The following CFAP20DC variants were observed in gnomAD, a reference collection of about 807,000 sequenced individuals.
CFAP20DC encodes CFAP20 domain containing, also known as protein CFAP20DC.
In CFAP20DC, 84 loss-of-function variants were observed where a neutral mutation model predicts 101.7. The ratio of observed to expected loss-of-function variants is 0.83; its 90% CI spans 0.69 to 0.99. CFAP20DC has a LOEUF of 0.99. CFAP20DC is among the 50% of genes least tolerant of loss of function. CFAP20DC has a pLI of 0.00. For synonymous variants in CFAP20DC, 359 were observed against 351.2 expected (o/e 1.02, Z -0.25); for missense variants, 1,007 against 970.3 (o/e 1.04, Z -0.50).
rs911606836 is a variant in CFAP20DC, at chr3:58,732,692, G to T, written c.198-15064C>A. Among the ~76,000 whole-genome samples the T allele has an allele frequency of 1.1e-4, 16 of 152,168 alleles. No individual in the cohort carries two copies. Among genetic ancestry groups the T allele is most frequent in the African/African-American group, 3.4e-4 (14 of 41,426 alleles). On this transcript the variant is annotated intron_variant, in intron 3 of 3. Transcript: ENST00000486145. This position sits in a 1 kb window ranked among gnomAD's most constrained non-coding sequence, Gnocchi z 5.4. ...GGGTTTATAACACCCAACGTGGCAC[G>T]AAAGCCGTGGCAAAAACAGTTACTC... is the stretch of plus-strand genomic sequence containing the variant.
At chr3:58,831,574 T>G in intron 14 of CFAP20DC, 112 bp downstream of exon 14, 1 of 763,214 alleles carries the variant, frequency 1.3e-6, no homozygotes. Context: ...TTATTTCTCA[T>G]AGGGAGAGTT....
intron 4 of CFAP20DC, among the ~76,000 whole-genome samples, chr3:58,949,855 T>A (rs1031017369): frequency 6.6e-4 from 101 of 152,140 alleles, no homozygotes; most frequent in Non-Finnish European, 1.4e-3. Context: ...CTTTGAAAAC[T>A]CGCACAAGAC....
At chr3:58,949,797 A>G (rs2089873342) in intron 4 of CFAP20DC, among the ~76,000 whole-genome samples, 1 of 152,220 alleles carries the variant, frequency 6.6e-6, no homozygotes, top group African/African-American at 2.4e-5. Context: ...ATCTATGACA[A>G]ACCCACAGCC....
At chr3:58,803,340 A>C (rs2073841711) in intron 15 of CFAP20DC, among the ~76,000 whole-genome samples, 2 of 152,172 alleles carry the variant, frequency 1.3e-5, no homozygotes, top group African/African-American at 4.8e-5. Context: ...ATTTTCAATC[A>C]CGGGTTCAAG....
intron 16 of CFAP20DC, among the ~76,000 whole-genome samples, chr3:58,746,868 C>T (rs770911884): frequency 6.6e-6 from 1 of 152,110 alleles, no homozygotes. Flanking sequence ...AAGCCTCCAA[C>T]TTACATCATT....
intron 15 of CFAP20DC, among the ~76,000 whole-genome samples, chr3:58,768,182 C>G (rs1400200800): frequency 1.3e-5 from 2 of 152,138 alleles, no homozygotes; most frequent in Non-Finnish European, 2.9e-5. Flanking sequence ...TGCTGTGCTT[C>G]CCTGGAACTT....
chr3:58,891,022 T>G (rs2082190641), intron 6 of CFAP20DC, among the ~76,000 whole-genome samples: 2 of 143,436 alleles, frequency 1.4e-5, no homozygotes, highest in East Asian at 2.1e-4. Flanking sequence ...CCAGACGGGG[T>G]GGCGGCCGGG....
Position 58,998,661 on chromosome 3 carries a change from GT to G in CFAP20DC, c.278+40895del, listed in dbSNP as rs368091738. Among the ~76,000 whole-genome samples the G allele has an allele frequency of 7.0e-3, 1,061 of 152,288 alleles. 14 individuals are homozygous for G. The highest frequency in any genetic ancestry group is 0.024 in the African/African-American group (995 of 41,540). The stretch of plus-strand genomic sequence containing the variant: ...ACCCTGTGACTCTAGGGTAAGCCAT[GT>G]GATAGACATTAGTCAGTGGAACTGA... On this transcript the variant is annotated intron_variant, in intron 4 of 16. Transcript: ENST00000482387.
chr3:58,765,464 T>C (rs1405904476), intron 15 of CFAP20DC, among the ~76,000 whole-genome samples: 2 of 123,322 alleles, frequency 1.6e-5, no homozygotes, highest in African/African-American at 3.2e-5. Context: ...GGAGAACACA[T>C]TCTAGCCAAA....
At chr3:58,957,600 C>A (rs779718091) in intron 4 of CFAP20DC, among the ~76,000 whole-genome samples, 2 of 152,132 alleles carry the variant, frequency 1.3e-5, no homozygotes, top group African/African-American at 2.4e-5. Flanking sequence ...TGGAAGCAAA[C>A]CAAGTGTCCA....
intron 4 of CFAP20DC, among the ~76,000 whole-genome samples, chr3:58,987,682 T>A (rs1194983441): frequency 1.3e-5 from 2 of 151,950 alleles, no homozygotes; most frequent in Admixed American, 6.6e-5. Flanking sequence ...TATATAGCTA[T>A]CTATAAACTC....
chr3:58,770,909 C>T (rs558416985), intron 15 of CFAP20DC, among the ~76,000 whole-genome samples: 3 of 152,106 alleles, frequency 2.0e-5, no homozygotes, highest in Admixed American at 6.6e-5. Flanking sequence ...GAATTTAGTA[C>T]ATAGGTGTTT....
chr3:58,880,435 T>C (rs1405774646), intron 7 of CFAP20DC, among the ~76,000 whole-genome samples: 2 of 152,204 alleles, frequency 1.3e-5, no homozygotes, highest in African/African-American at 4.8e-5. Flanking sequence ...TGTGTGGTTA[T>C]TGAGTCAATT....
At chr3:58,900,880 T>G (rs2083089196) in intron 6 of CFAP20DC, among the ~76,000 whole-genome samples, 2 of 152,262 alleles carry the variant, frequency 1.3e-5, no homozygotes, top group Admixed American at 1.3e-4. Context: ...AAGAGGATCT[T>G]AACTAGCTGT....
intron 15 of CFAP20DC, among the ~76,000 whole-genome samples, chr3:58,805,732 T>G (rs2074007404): frequency 6.6e-6 from 1 of 152,232 alleles, no homozygotes; most frequent in Non-Finnish European, 1.5e-5. Context: ...TATATACTTA[T>G]TTATCAGAAA....
chr3:59,020,820 C>T (rs1428423445), intron 4 of CFAP20DC, among the ~76,000 whole-genome samples: 1 of 152,060 alleles, frequency 6.6e-6, no homozygotes, highest in Non-Finnish European at 1.5e-5. Flanking sequence ...TTTGTTCTAT[C>T]CACATTCTGG....
At position 59,023,156 on chromosome 3, in the gene CFAP20DC, TG is replaced by T. The variant is rs760215654; in HGVS notation, c.278+16400del. Reference sequence around the variant, plus strand: ...CCTGTTCACCTGCTTTCTACTCTCTTGTTTTTTTTTTTTGTTTGTTTTCCTG... The same window carrying T: ...CCTGTTCACCTGCTTTCTACTCTCTTTTTTTTTTTTTTGTTTGTTTTCCTG... On this transcript the variant is annotated intron_variant, in intron 4 of 16. Coordinates refer to ENST00000482387, the MANE Select transcript of CFAP20DC (RefSeq NM_001394063.1). 2.3e-3 allele frequency among the ~76,000 whole-genome samples: 229 copies of T among 100,230 alleles called. 2 individuals are homozygous for T. Among genetic ancestry groups the T allele is most frequent in the African/African-American group, 5.3e-3 (137 of 25,996 alleles). 65.8% of individuals were successfully genotyped at this position (100,230 alleles called of 152,430 possible).
At chr3:58,908,014 G>A (rs1403250996) in intron 6 of CFAP20DC, among the ~76,000 whole-genome samples, 1 of 151,830 alleles carries the variant, frequency 6.6e-6, no homozygotes, top group Non-Finnish European at 1.5e-5. Flanking sequence ...ACTCCCTTAC[G>A]GATAATCCAT....
At chr3:59,018,170 CAT>C (rs1491555473) in intron 4 of CFAP20DC, 4 of 152,206 alleles carry the variant, frequency 2.6e-5, no homozygotes, top group African/African-American at 9.6e-5. Flanking sequence ...GGAGGAGAAA[CAT>C]GTGGCAAACT....
Sources: allele counts gnomAD v4.1 joint callset (sites outside exome capture counted in the v4.1 genomes callset), GRCh38; gene constraint gnomAD v4.1.1; non-coding constraint Gnocchi (gnomAD v3.1); transcripts MANE v1.5; gene names NCBI Gene and HGNC (gene_info 2026-07-23, HGNC 2026-07-21).